TRMT11: variants seen among roughly 807,000 people sequenced by gnomAD.
TRMT11 encodes tRNA methyltransferase 11.
In TRMT11, 53 loss-of-function variants were observed where a neutral mutation model predicts 62.8. That is an observed-to-expected ratio of 0.84 (90% CI 0.68 to 1.06). The LOEUF (loss-of-function observed/expected upper bound fraction) is 1.06, where lower values mean the gene tolerates loss of function less well. Among genes scored for constraint, TRMT11 ranks in the 50% least tolerant of loss-of-function variants. The pLI, the probability that TRMT11 is intolerant of heterozygous loss-of-function variation, is 0.00. For synonymous variants in TRMT11, 188 were observed against 190.3 expected, an observed-to-expected ratio of 0.99 and a Z score of 0.10; for missense variants, 556 against 553.4, an observed-to-expected ratio of 1.00 and a Z score of -0.05.
At chr6:126,234,350 G>A in the TRMT11 span, among the ~76,000 whole-genome samples, 5 of 151,802 alleles carry the variant, frequency 3.3e-5, no homozygotes, top group South Asian at 2.1e-4. Context: ...ACTGCAAGGT[G>A]GAGTTTTATT....
downstream of TRMT11, among the ~76,000 whole-genome samples, chr6:126,204,249 A>T (rs1778769053): frequency 6.6e-6 from 1 of 152,210 alleles, no homozygotes; most frequent in Non-Finnish European, 1.5e-5. Flanking sequence ...CTTTCCTCTG[A>T]AACTTCTCCA....
intron 21 of TRMT11, among the ~76,000 whole-genome samples, chr6:126,164,994 G>A (rs374649465): frequency 8.6e-5 from 13 of 152,040 alleles, no homozygotes; most frequent in South Asian, 6.2e-4. Context: ...ATTTAATATC[G>A]TTGGCTGGGT....
chr6:126,129,454 C>A (rs1056987406), intron 21 of TRMT11, among the ~76,000 whole-genome samples: 3 of 152,136 alleles, frequency 2.0e-5, no homozygotes, highest in Non-Finnish European at 2.9e-5. Flanking sequence ...CAACCCCTCA[C>A]ATGGTGCCTG....
At chr6:126,248,675 A>G in the TRMT11 span, among the ~76,000 whole-genome samples, 1 of 152,100 alleles carries the variant, frequency 6.6e-6, no homozygotes, top group Non-Finnish European at 1.5e-5. Context: ...CAACTGGTAT[A>G]AACCTTTCAT....
At position 126,021,256 on chromosome 6, in the gene TRMT11, A is replaced by G. The variant is rs1192335103; in HGVS notation, c.1236A>G (p.Thr412=). The change falls in exon 12 of 13, where the codon ACA becomes ACG. Residue 412 remains threonine, a synonymous_variant. Transcript: ENST00000334379. ...LSSHTSRRLI[T]MEKVKKFENR... is the part of the protein sequence containing the mutation. ...GTCACACATCAAGGCGCTTGATCAC[A>G]ATGGAAAAGGTGAAGAAATTTGAGG... is the stretch of plus-strand genomic sequence containing the variant. 1 of 1,613,982 alleles carries G rather than the reference A, an allele frequency of 6.2e-7. No homozygotes were observed. Among genetic ancestry groups the G allele is most frequent in the Admixed American group, 1.7e-5 (1 of 60,010 alleles).
chr6:126,118,670 T>A (rs535262983), intron 21 of TRMT11, among the ~76,000 whole-genome samples: 1 of 152,146 alleles, frequency 6.6e-6, no homozygotes, highest in Non-Finnish European at 1.5e-5. Context: ...TCGGCTTGAA[T>A]GGATTTTTTT....
chr6:126,012,379 A>C (rs1380242423), intron 9 of TRMT11, among the ~76,000 whole-genome samples: 1 of 152,196 alleles, frequency 6.6e-6, no homozygotes, highest in Non-Finnish European at 1.5e-5. Context: ...TACAGTTATC[A>C]AGTTCAGTAA....
chr6:126,066,561 G>T (rs1448904161), intron 17 of TRMT11, among the ~76,000 whole-genome samples: 1 of 152,100 alleles, frequency 6.6e-6, no homozygotes, highest in Non-Finnish European at 1.5e-5. Flanking sequence ...CCACCCTCAT[G>T]ACCTCATTTA....
intron 17 of TRMT11, among the ~76,000 whole-genome samples, chr6:126,093,625 A>ATTTT (rs1483189635): frequency 6.8e-5 from 7 of 103,514 alleles, no homozygotes; most frequent in African/African-American, 3.4e-4. Context: ...ATATATATAT[A>ATTTT]TATATATTTT....
chr6:126,078,212 G>A (rs1298430780), intron 17 of TRMT11, among the ~76,000 whole-genome samples: 1 of 152,180 alleles, frequency 6.6e-6, no homozygotes, highest in Non-Finnish European at 1.5e-5. Flanking sequence ...GGCACTTTGA[G>A]AATGGGAAAA....
chr6:126,265,921 C>T, the TRMT11 span, among the ~76,000 whole-genome samples: 64 of 152,126 alleles, frequency 4.2e-4, no homozygotes, highest in Admixed American at 3.4e-3. Flanking sequence ...AATTTATTGG[C>T]GTTGTCTCTA....
At chr6:126,056,434 C>T (rs529047619) in intron 17 of TRMT11, among the ~76,000 whole-genome samples, 4 of 152,220 alleles carry the variant, frequency 2.6e-5, no homozygotes, top group African/African-American at 9.6e-5. Flanking sequence ...TATTTTCTGC[C>T]AGTTTTCAGA....
At chr6:126,209,557 A>G in the TRMT11 span, among the ~76,000 whole-genome samples, 1 of 146,022 alleles carries the variant, frequency 6.8e-6, no homozygotes, top group Non-Finnish European at 1.5e-5. Context: ...CGTCTCTACT[A>G]AAAATACAAA....
intron 17 of TRMT11, among the ~76,000 whole-genome samples, chr6:126,069,452 TTTTCTTTTTTTTC>T (rs1231525993): frequency 1.3e-5 from 2 of 152,248 alleles, no homozygotes; most frequent in Non-Finnish European, 2.9e-5. Context: ...TCTCGTTTTC[TTTTCTTTTTTTTC>T]TTTCTTTTTC....
intron 21 of TRMT11, among the ~76,000 whole-genome samples, chr6:126,157,701 T>A (rs1357887581): frequency 1.3e-5 from 2 of 152,236 alleles, no homozygotes; most frequent in Non-Finnish European, 2.9e-5. Context: ...ACTGTTGGGA[T>A]TTTTTAGATG....
At chr6:126,131,419 G>A (rs1777780545) in intron 21 of TRMT11, among the ~76,000 whole-genome samples, 1 of 152,016 alleles carries the variant, frequency 6.6e-6, no homozygotes, top group South Asian at 2.1e-4. Context: ...AGAACTGCAG[G>A]AATTTTAAGA....
chr6:125,994,365 T>C (rs926333482), intron 2 of TRMT11, among the ~76,000 whole-genome samples: 3 of 152,068 alleles, frequency 2.0e-5, no homozygotes, highest in African/African-American at 7.2e-5. Context: ...ACTTCTGTAG[T>C]CTGTGTTTCT....
chr6:126,092,223 G>A (rs969007279), intron 17 of TRMT11, among the ~76,000 whole-genome samples: 2 of 152,058 alleles, frequency 1.3e-5, no homozygotes, highest in African/African-American at 2.4e-5. Flanking sequence ...ACCACACCTG[G>A]TGTATTAGTT....
At chr6:126,013,919 A>G (rs1314422076) in intron 11 of TRMT11, among the ~76,000 whole-genome samples, 1 of 152,224 alleles carries the variant, frequency 6.6e-6, no homozygotes, top group Non-Finnish European at 1.5e-5. Context: ...TAAAGGATTC[A>G]CGCTTCTGCT....
Sources: gnomAD v4.1 joint callset for allele counts (sites outside exome capture counted in the v4.1 genomes callset) on GRCh38, gnomAD v4.1.1 for gene constraint, MANE v1.5 for transcripts, NCBI Gene and HGNC (gene_info 2026-07-23, HGNC 2026-07-21) for gene names.